The following DLEU7 variants were observed in gnomAD, a reference collection of about 807,000 sequenced individuals.
DLEU7 encodes leukemia-associated protein 7.
A neutral mutation model predicts 16.0 loss-of-function variants in DLEU7; 17 were observed. That is an observed-to-expected ratio of 1.06 (90% CI 0.73 to 1.59). The LOEUF (loss-of-function observed/expected upper bound fraction) is 1.59, where lower values mean the gene tolerates loss of function less well. DLEU7 is among the 40% of genes most tolerant of loss of function. The pLI is 0.00. For synonymous variants in DLEU7, 113 were observed against 139.8 expected, an observed-to-expected ratio of 0.81 and a Z score of 1.35; for missense variants, 308 against 314.9, an observed-to-expected ratio of 0.98 and a Z score of 0.17.
chr13:50,843,596 A>T lies in DLEU7; in HGVS notation c.51T>A (p.Ala17=). The stretch of plus-strand genomic sequence containing the variant: ...GCTGCAGCAGCTGCAAGGTCTGCAG[A>T]GCCACCATTTGGTGGCTGATGGAGG... ...LVASISHQMV[A]LQTLQLLQQE... Residue 17 remains alanine, a synonymous_variant, in exon 1 of 2, where the codon GCT becomes GCA. Transcript: ENST00000504404. The surrounding 1 kb of genome is among the most constrained non-coding windows in gnomAD (Gnocchi z 5.7). 1 of 1,508,466 alleles carries T rather than the reference A, an allele frequency of 6.6e-7. No individual in the cohort carries two copies. The highest frequency in any genetic ancestry group is 2.7e-5 in the East Asian group (1 of 36,478). 93.4% of individuals were successfully genotyped at this position (1,508,466 alleles called of 1,614,324 possible). A position where few individuals can be genotyped will look rare whatever the true frequency, so the allele number is the denominator to read the frequency against.
At chr13:50,764,522 A>G (rs544904684) in intron 1 of DLEU7, among the ~76,000 whole-genome samples, 3 of 152,358 alleles carry the variant, frequency 2.0e-5, no homozygotes, top group South Asian at 2.1e-4. Context: ...AGTCAAAAGA[A>G]TAATGGAATT....
At chr13:50,828,996 C>T (rs1877177584) in intron 1 of DLEU7, among the ~76,000 whole-genome samples, 1 of 152,182 alleles carries the variant, frequency 6.6e-6, no homozygotes, top group African/African-American at 2.4e-5. Flanking sequence ...GCCTGTCCAA[C>T]CTGTGGCTCA....
In DLEU7 at chr13:50,843,077, G is replaced by A; in HGVS notation, c.459+111C>T. Reference sequence around the variant, plus strand: ...TCCCACTGGGGCTGAATCACAGTGGGCAGCAGTGTTTGGGATCCTGCGATC... The same window carrying A: ...TCCCACTGGGGCTGAATCACAGTGGACAGCAGTGTTTGGGATCCTGCGATC... On this transcript the variant is annotated intron_variant, in intron 1 of 1. Coordinates refer to ENST00000504404, the MANE Select transcript of DLEU7 (RefSeq NM_001306135.2). This position sits in a 1 kb window ranked among gnomAD's most constrained non-coding sequence, Gnocchi z 5.7. The A allele has an allele frequency of 1.9e-6, 2 of 1,075,584 alleles. No homozygotes were observed. The highest frequency in any genetic ancestry group is 2.6e-6 in the Non-Finnish European group (2 of 778,610). The allele number at this position is 1,075,584 out of a possible 1,614,324, so 66.6% of individuals were successfully genotyped here.
chr13:50,724,642 A>T (rs1339250915), intron 1 of DLEU7, among the ~76,000 whole-genome samples: 3 of 152,204 alleles, frequency 2.0e-5, no homozygotes, highest in Non-Finnish European at 4.4e-5. Context: ...CTTGGAGATG[A>T]TAGAGGAGAT....
At chr13:50,757,406 T>G (rs1290874996) in intron 1 of DLEU7, among the ~76,000 whole-genome samples, 4 of 152,232 alleles carry the variant, frequency 2.6e-5, no homozygotes, top group African/African-American at 4.8e-5. Flanking sequence ...TCTTCTTGAC[T>G]TATTCTCTGC....
intron 1 of DLEU7, among the ~76,000 whole-genome samples, chr13:50,741,263 G>A (rs890498966): frequency 6.6e-6 from 1 of 152,162 alleles, no homozygotes; most frequent in African/African-American, 2.4e-5. Context: ...ATTCCCTGAA[G>A]ATGTATGCCT....
downstream of DLEU7, chr13:50,711,779 G>GGGGGGGGGGGGGGCGGC (rs1555287138): frequency 7.4e-6 from 1 of 135,682 alleles, no homozygotes; most frequent in Non-Finnish European, 1.6e-5. Context: ...TGGCGGGGGC[G>GGGGGGGGGGGGGGCGGC]GGGGGCATTA....
chr13:50,825,487 G>GA (rs905051960), intron 1 of DLEU7, among the ~76,000 whole-genome samples: 1 of 151,926 alleles, frequency 6.6e-6, no homozygotes, highest in Non-Finnish European at 1.5e-5. Context: ...TATTATTCTT[G>GA]AAAAAAATCA....
At chr13:50,767,455 C>CAAAAA (rs35091007) in intron 1 of DLEU7, among the ~76,000 whole-genome samples, 2 of 64,510 alleles carry the variant, frequency 3.1e-5, no homozygotes, top group African/African-American at 5.9e-5. Flanking sequence ...GACTCCGTCT[C>CAAAAA]AAAAAAAAAA....
In DLEU7 at chr13:50,717,964, A is replaced by T. The variant is rs73184495; in HGVS notation, c.460-4724T>A. Among the ~76,000 whole-genome samples, 630 of 152,332 alleles carry T rather than the reference A, an allele frequency of 4.1e-3. 1 individual carries two copies. Among genetic ancestry groups the T allele is most frequent in the Non-Finnish European group, 7.2e-3 (488 of 68,024 alleles). ...ATAATATTGACATAGCTATGGGAAAATTTAAAATCTTGCTGCTCAAAGTGC... is the reference window on the plus strand; with the variant it reads ...ATAATATTGACATAGCTATGGGAAATTTTAAAATCTTGCTGCTCAAAGTGC... On this transcript the variant is annotated intron_variant, in intron 1 of 1. Coordinates refer to the DLEU7 transcript ENST00000400393.
chr13:50,783,368 C>T (rs1425860442), intron 1 of DLEU7, among the ~76,000 whole-genome samples: 4 of 152,168 alleles, frequency 2.6e-5, no homozygotes, highest in Non-Finnish European at 5.9e-5. Context: ...ACCCCAATAG[C>T]TTGATTCTAA....
At chr13:50,770,777 C>G (rs143480309) in intron 1 of DLEU7, among the ~76,000 whole-genome samples, 24 of 152,276 alleles carry the variant, frequency 1.6e-4, no homozygotes, top group Admixed American at 1.6e-3. Context: ...CAGGATGATG[C>G]TGGCCTCATA....
chr13:50,805,114 C>T (rs1365008494), intron 1 of DLEU7, among the ~76,000 whole-genome samples: 1 of 152,058 alleles, frequency 6.6e-6, no homozygotes, highest in Non-Finnish European at 1.5e-5. Context: ...ACATTCTTGT[C>T]TTGTTCCTGA....
chr13:50,771,230 A>AT lies in DLEU7; in HGVS notation c.460-57991dup, dbSNP rs566920371. ...AAAAAACCAGCTCCTGGATTCATTG[A>AT]TTTTTTGAAGGATTTTTTTGTGTCT... On this transcript the variant is annotated intron_variant, in intron 1 of 1. Coordinates refer to the DLEU7 transcript ENST00000400393. 6.5e-3 allele frequency among the ~76,000 whole-genome samples: 989 copies of AT among 152,152 alleles called. 73 individuals carry two copies. In the South Asian group the frequency reaches 0.15, roughly 23 times the overall value.
chr13:50,811,044 G>A (rs1593404739), intron 1 of DLEU7, among the ~76,000 whole-genome samples: 1 of 152,134 alleles, frequency 6.6e-6, no homozygotes, highest in East Asian at 1.9e-4. Context: ...GCTTGTATGG[G>A]TATGCATGTG....
At chr13:50,835,444 A>G (rs1373102032) in intron 1 of DLEU7, among the ~76,000 whole-genome samples, 1 of 152,218 alleles carries the variant, frequency 6.6e-6, no homozygotes, top group Admixed American at 6.5e-5. Context: ...TTTTTTGGCC[A>G]TCTTCACACT....
chr13:50,758,943 G>A (rs1231498474), intron 1 of DLEU7, among the ~76,000 whole-genome samples: 1 of 152,194 alleles, frequency 6.6e-6, no homozygotes, highest in Non-Finnish European at 1.5e-5. Context: ...AAGGATAATT[G>A]GAGCCCATCT....
At chr13:50,732,764 C>CA (rs1156346420) in intron 1 of DLEU7, among the ~76,000 whole-genome samples, 4 of 152,012 alleles carry the variant, frequency 2.6e-5, no homozygotes, top group African/African-American at 9.7e-5. Flanking sequence ...GATGACCTAA[C>CA]AAAATAGCAG....
intron 1 of DLEU7, among the ~76,000 whole-genome samples, chr13:50,777,909 T>C (rs369601804): frequency 2.0e-5 from 3 of 152,122 alleles, no homozygotes; most frequent in East Asian, 3.9e-4. Context: ...AGGAGGGGCA[T>C]GATAAAGTAA....
Sources: gnomAD v4.1 joint callset for allele counts (sites outside exome capture counted in the v4.1 genomes callset) on GRCh38, gnomAD v4.1.1 for gene constraint, Gnocchi (gnomAD v3.1) non-coding constraint, MANE v1.5 for transcripts, NCBI Gene and HGNC (gene_info 2026-07-23, HGNC 2026-07-21) for gene names.